PTPN7: variants seen among roughly 807,000 people sequenced by gnomAD.
PTPN7 encodes tyrosine-protein phosphatase non-receptor type 7.
A neutral mutation model predicts 50.3 loss-of-function variants in PTPN7; 33 were observed. The ratio of observed to expected loss-of-function variants is 0.66; its 90% CI spans 0.50 to 0.88. PTPN7 has a LOEUF of 0.88. PTPN7 is among the 40% of genes least tolerant of loss of function. The probability of loss-of-function intolerance (pLI) is 0.00; values close to 1 mark genes in which losing one functional copy is unlikely to be tolerated. For synonymous variants in PTPN7, 185 were observed against 186.6 expected (o/e 0.99, Z 0.07); for missense variants, 412 against 475.4 (o/e 0.87, Z 1.24).
At chr1:202,154,126 G>A (rs1042549464) in intron 6 of PTPN7, 60 bp downstream of exon 6, 61 of 1,595,576 alleles carry the variant, frequency 3.8e-5, no homozygotes, top group Non-Finnish European at 5.0e-5. Context: ...TGTGTGGGGT[G>A]GGGGTGGGGT....
chr1:202,155,323 G>A (rs569863081), intron 5 of PTPN7, among the ~76,000 whole-genome samples: 1 of 152,306 alleles, frequency 6.6e-6, no homozygotes, highest in African/African-American at 2.4e-5. Flanking sequence ...GGTCTCTCCA[G>A]ATATTTTTCA....
chr1:202,158,980 C>T (rs1657012282), intron 2 of PTPN7: 3 of 405,670 alleles, frequency 7.4e-6, no homozygotes, highest in East Asian at 4.6e-5. Flanking sequence ...CTGCTCCTTC[C>T]AGCTGCCTGC....
upstream of PTPN7, chr1:202,161,338 C>A: frequency 4.2e-6 from 5 of 1,191,468 alleles, no homozygotes; most frequent in Non-Finnish European, 5.3e-6. Context: ...GGCCCTCAGC[C>A]CCCTGCAGGC....
upstream of PTPN7, chr1:202,160,724 G>T (rs561576350): frequency 1.4e-5 from 21 of 1,550,320 alleles, no homozygotes; most frequent in South Asian, 1.1e-4. The surrounding 1 kb of genome is among the most constrained non-coding windows in gnomAD (Gnocchi z 4.8). Context: ...GCCACCAGGG[G>T]TCGGCTGCCT....
At chr1:202,160,892 C>T, upstream of PTPN7, 1 of 1,459,614 alleles carries the variant, frequency 6.9e-7, no homozygotes, top group East Asian at 2.5e-5. This position sits in a 1 kb window ranked among gnomAD's most constrained non-coding sequence, Gnocchi z 4.8. Flanking sequence ...TGCCTACTTG[C>T]TGGGCACAGC....
At chr1:202,157,672 T>C in intron 4 of PTPN7, 67 bp downstream of exon 4, 1 of 1,449,776 alleles carries the variant, frequency 6.9e-7, no homozygotes, top group East Asian at 2.3e-5. Flanking sequence ...CTGTGTACTT[T>C]GTCCTCTGAA....
At position 202,147,585 on chromosome 1, in the gene PTPN7, G is replaced by A. The variant is rs1655466146; in HGVS notation, c.*1021C>T. 1 of 152,206 alleles carries A rather than the reference G, an allele frequency of 6.6e-6. No individual in the cohort carries two copies. Among genetic ancestry groups the A allele is most frequent in the African/African-American group, 2.4e-5 (1 of 41,440 alleles). 9.4% of individuals were successfully genotyped at this position (152,206 alleles called of 1,614,324 possible). ...GTAGACCTGAGGTCCCCTGGAAATT[G>A]TGTTGATGCTGAGATGGATGAGGGG... is the stretch of plus-strand genomic sequence containing the variant. On this transcript the variant is annotated 3_prime_UTR_variant, in exon 10 of 10. Transcript: ENST00000691036.
chr1:202,152,257 C>T (rs543140244), intron 8 of PTPN7, among the ~76,000 whole-genome samples: 4 of 152,288 alleles, frequency 2.6e-5, no homozygotes, highest in Admixed American at 2.0e-4. Flanking sequence ...TAAATGAGTT[C>T]CCCAACAGCT....
At chr1:202,153,366 C>A (rs766523443) in intron 7 of PTPN7, among the ~76,000 whole-genome samples, 1 of 152,108 alleles carries the variant, frequency 6.6e-6, no homozygotes, top group African/African-American at 2.4e-5. Flanking sequence ...TCAAGTGATC[C>A]GCCCCCCTCA....
At chr1:202,153,074 A>T (rs1656224616) in intron 7 of PTPN7, among the ~76,000 whole-genome samples, 1 of 152,230 alleles carries the variant, frequency 6.6e-6, no homozygotes, top group Non-Finnish European at 1.5e-5. Flanking sequence ...GCTTTCAAAA[A>T]TATAAAACAC....
intron 9 of PTPN7, among the ~76,000 whole-genome samples, chr1:202,149,150 C>G (rs1457271083): frequency 1.3e-5 from 2 of 152,076 alleles, no homozygotes; most frequent in Admixed American, 1.3e-4. Flanking sequence ...CCACCATGCC[C>G]CACCACCTAT....
chr1:202,155,819 G>A (rs1656598043), intron 4 of PTPN7, among the ~76,000 whole-genome samples: 1 of 152,188 alleles, frequency 6.6e-6, no homozygotes, highest in South Asian at 2.1e-4. Context: ...GAGTGCAGTG[G>A]TGCGATCATA....
At chr1:202,152,796 C>A in intron 7 of PTPN7, 97 bp from the exon 8 acceptor site, 1 of 1,404,516 alleles carries the variant, frequency 7.1e-7, no homozygotes, top group Non-Finnish European at 9.8e-7. Flanking sequence ...TGGAATTACC[C>A]TGTGGGGGGG....
At chr1:202,157,950 G>C in intron 3 of PTPN7, 127 bp from the exon 4 acceptor site, 2 of 1,213,634 alleles carry the variant, frequency 1.6e-6, no homozygotes, top group South Asian at 1.4e-5. Flanking sequence ...TAGATGGGGT[G>C]GGGGCAGAAG....
chr1:202,159,954 C>T lies in PTPN7; in HGVS notation c.-52-500G>A. ...CTCCTGGACCCCAGCAGGGTCCTCT[C>T]CTAACTGCTGCTGTTCCACTCCCAG... On this transcript the variant is annotated intron_variant, in intron 1 of 9. Coordinates refer to ENST00000691036, the MANE Select transcript of PTPN7 (RefSeq NM_002832.4). This position sits in a 1 kb window ranked among gnomAD's most constrained non-coding sequence, Gnocchi z 4.6. 3.0e-6 allele frequency: 3 copies of T among 1,004,068 alleles called. No individual in the cohort carries two copies. The highest frequency in any genetic ancestry group is 3.6e-6 in the Non-Finnish European group (3 of 841,688). 62.2% of individuals were successfully genotyped at this position (1,004,068 alleles called of 1,614,324 possible).
At position 202,155,598 on chromosome 1, in the gene PTPN7, G is replaced by A. The variant is rs1656571269; in HGVS notation, c.403C>T (p.Arg135Cys). The A allele has an allele frequency of 5.8e-6, 9 of 1,561,730 alleles. No homozygotes were observed. The highest frequency in any genetic ancestry group is 1.7e-5 in the Admixed American group (1 of 59,918). The change falls in exon 5 of 10, where the codon CGT becomes TGT. Residue 135 changes from arginine to cysteine, a missense_variant. Arg to Cys is a radical substitution (Grantham distance 180). Transcript: ENST00000691036. The stretch of plus-strand genomic sequence containing the variant: ...CTCTGTGCCCGGCCTAGACAGACAC[G>A]GCTCTGGGGATCTAGGAAATAAAAA... ...YKTILPNPQS[R>C]VCLGRAQSQE...
At chr1:202,161,489 A>C, upstream of PTPN7, 1 of 1,289,782 alleles carries the variant, frequency 7.8e-7, no homozygotes, top group Non-Finnish European at 1.0e-6. Context: ...CCCCAAGTCC[A>C]AGACTCCTCT....
chr1:202,158,325 C>CAAAT, intron 2 of PTPN7, 24 bp from the exon 3 acceptor site: 1 of 1,606,500 alleles, frequency 6.2e-7, no homozygotes, highest in Admixed American at 1.7e-5. Flanking sequence ...CCACCACTGC[C>CAAAT]TAGTGAGCAC....
At chr1:202,152,483 C>T (rs911191906) in intron 8 of PTPN7, 59 bp downstream of exon 8, 10 of 1,571,094 alleles carry the variant, frequency 6.4e-6, no homozygotes, top group Non-Finnish European at 8.6e-6. Context: ...CAGGAGAGAC[C>T]CAGGGGGCAG....
Sources: gnomAD v4.1 joint callset for allele counts (sites outside exome capture counted in the v4.1 genomes callset) on GRCh38, gnomAD v4.1.1 for gene constraint, Gnocchi (gnomAD v3.1) non-coding constraint, MANE v1.5 for transcripts, NCBI Gene and HGNC (gene_info 2026-07-23, HGNC 2026-07-21) for gene names.